SPATA33: variants seen among roughly 807,000 people sequenced by gnomAD.
SPATA33 encodes spermatogenesis associated 33, also known as spermatogenesis-associated protein 33.
A neutral mutation model predicts 8.9 loss-of-function variants in SPATA33; 10 were observed. The ratio of observed to expected loss-of-function variants is 1.12; its 90% CI spans 0.69 to 1.90. The LOEUF (loss-of-function observed/expected upper bound fraction) is 1.90, where lower values mean the gene tolerates loss of function less well. SPATA33 is among the 40% of genes most tolerant of loss of function. SPATA33 has a pLI of 0.00. For synonymous variants in SPATA33, 96 were observed against 72.8 expected (o/e 1.32, Z -1.63); for missense variants, 241 against 178.3 (o/e 1.35, Z -2.00).
chr16:89,660,630 C>A, intron 2 of SPATA33: 1 of 1,083,906 alleles, frequency 9.2e-7, no homozygotes, highest in Non-Finnish European at 1.2e-6. Flanking sequence ...GTGAGACAAG[C>A]CAGAGGAAAG....
At chr16:89,669,100 G>A (rs1326007520) in intron 2 of SPATA33, among the ~76,000 whole-genome samples, 186 bp from the exon 3 acceptor site, 1 of 152,128 alleles carries the variant, frequency 6.6e-6, no homozygotes, top group Non-Finnish European at 1.5e-5. Flanking sequence ...CAACCTTCAT[G>A]GCTGAGTTGC....
chr16:89,658,503 C>T, intron 2 of SPATA33, 82 bp downstream of exon 2: 2 of 1,497,274 alleles, frequency 1.3e-6, no homozygotes, highest in Non-Finnish European at 8.9e-7. Flanking sequence ...CTGTAAGACC[C>T]TACCGGATGG....
intron 2 of SPATA33, chr16:89,661,235 A>C (rs922344953): frequency 1.3e-5 from 13 of 984,172 alleles, no homozygotes; most frequent in African/African-American, 7.0e-5. Flanking sequence ...GTCCTCACCC[A>C]AATCTCATTT....
At chr16:89,658,608 T>A (rs1468617698) in intron 2 of SPATA33, 187 bp downstream of exon 2, 1 of 792,532 alleles carries the variant, frequency 1.3e-6, no homozygotes, top group Admixed American at 2.9e-5. Flanking sequence ...GTTGAAAACA[T>A]AAGTTTAATG....
At chr16:89,665,348 C>G (rs2151531840) in intron 2 of SPATA33, among the ~76,000 whole-genome samples, 1 of 150,632 alleles carries the variant, frequency 6.6e-6, no homozygotes, top group Admixed American at 6.7e-5. Context: ...TGTCGCCACC[C>G]AGGCTGGACT....
chr16:89,666,667 A>G (rs953723137), intron 2 of SPATA33, among the ~76,000 whole-genome samples: 13 of 152,080 alleles, frequency 8.5e-5, no homozygotes, highest in Non-Finnish European at 5.9e-5. Flanking sequence ...AGCCGTGGAG[A>G]CCGGTAGTGG....
chr16:89,658,159 C>T (rs1054894733), intron 1 of SPATA33, 89 bp from the exon 2 acceptor site: 3 of 1,578,680 alleles, frequency 1.9e-6, no homozygotes, highest in Middle Eastern at 1.9e-4. Flanking sequence ...CCAGCTTATT[C>T]TGGACCCACG....
chr16:89,663,567 C>T (rs2059989756), intron 2 of SPATA33, among the ~76,000 whole-genome samples: 4 of 152,014 alleles, frequency 2.6e-5, no homozygotes. Flanking sequence ...CTGTAACATT[C>T]TCTGAATGAC....
At chr16:89,661,968 TGG>T (rs1263064337) in intron 2 of SPATA33, among the ~76,000 whole-genome samples, 1 of 152,142 alleles carries the variant, frequency 6.6e-6, no homozygotes, top group African/African-American at 2.4e-5. Context: ...GCAACATTTA[TGG>T]GTAAAATCAT....
chr16:89,662,505 C>A (rs1391136697), intron 2 of SPATA33, among the ~76,000 whole-genome samples: 1 of 151,464 alleles, frequency 6.6e-6, no homozygotes, highest in Non-Finnish European at 1.5e-5. Context: ...CTCACTGTAG[C>A]CTCCGCCTCC....
intron 2 of SPATA33, among the ~76,000 whole-genome samples, chr16:89,663,481 G>T (rs925763882): frequency 1.6e-4 from 24 of 152,060 alleles, no homozygotes; most frequent in African/African-American, 5.8e-4. Context: ...CCGATCTCAG[G>T]TGATCCGCTT....
intron 2 of SPATA33, among the ~76,000 whole-genome samples, chr16:89,668,769 G>A (rs1462928965): frequency 2.0e-5 from 3 of 152,234 alleles, no homozygotes; most frequent in South Asian, 2.1e-4. Context: ...TGCTTTGTAC[G>A]TGGCAACGCT....
chr16:89,668,165 C>T (rs891684393), intron 2 of SPATA33: 1 of 152,126 alleles, frequency 6.6e-6, no homozygotes, highest in African/African-American at 2.4e-5. Context: ...TACAAAAATT[C>T]CCCAGGTGTG....
At chr16:89,667,754 C>A (rs1258805674) in intron 2 of SPATA33, among the ~76,000 whole-genome samples, 3 of 152,252 alleles carry the variant, frequency 2.0e-5, no homozygotes, top group Non-Finnish European at 4.4e-5. Flanking sequence ...CGCAGCACTG[C>A]AGGCAGAGGG....
At chr16:89,662,417 C>T (rs570143856) in intron 2 of SPATA33, among the ~76,000 whole-genome samples, 1 of 151,310 alleles carries the variant, frequency 6.6e-6, no homozygotes, top group Non-Finnish European at 1.5e-5. Flanking sequence ...TGTGTTTGAA[C>T]ACTTTTTTTT....
At chr16:89,665,079 T>C (rs919210958) in intron 2 of SPATA33, among the ~76,000 whole-genome samples, 1 of 151,426 alleles carries the variant, frequency 6.6e-6, no homozygotes, top group Non-Finnish European at 1.5e-5. Context: ...CATTGCACTC[T>C]TGACGTTCTG....
intron 2 of SPATA33, among the ~76,000 whole-genome samples, chr16:89,666,855 C>T (rs967629421): frequency 2.6e-5 from 4 of 152,180 alleles, no homozygotes; most frequent in Non-Finnish European, 4.4e-5. Context: ...ACAGCTTACG[C>T]CGTTATTTCA....
At position 89,662,293 on chromosome 16, in the gene SPATA33, C is replaced by CAAA. The variant is rs34420644; in HGVS notation, c.211+3882_211+3884dup. Among the ~76,000 whole-genome samples the CAAA allele has an allele frequency of 1.2e-4, 17 of 141,858 alleles. No homozygotes were observed. In the South Asian group the frequency reaches 3.1e-3, roughly 26 times the overall value. The allele number at this position is 141,858 out of a possible 152,430, so 93.1% of individuals were successfully genotyped here. On this transcript the variant is annotated intron_variant, in intron 2 of 2. Coordinates refer to ENST00000579310, the MANE Select transcript of SPATA33 (RefSeq NM_001271907.2). ...TGGGCAATGGAGTGAGACTCCATCT[C>CAAA]AAAAAAAAAAAAGATACTCAGGAAA...
chr16:89,669,791 G>T lies in SPATA33; in HGVS notation c.*294G>T. 1 of 452,586 alleles carries T rather than the reference G, an allele frequency of 2.2e-6. No homozygotes were observed. The highest frequency in any genetic ancestry group is 4.0e-6 in the Non-Finnish European group (1 of 247,654). The allele number at this position is 452,586 out of a possible 1,614,324, so 28.0% of individuals were successfully genotyped here. A position where few individuals can be genotyped will look rare whatever the true frequency, so the allele number is the denominator to read the frequency against. On this transcript the variant is annotated 3_prime_UTR_variant, in exon 3 of 3. Transcript: ENST00000579310. ...CAGTCCCCTTCTCCAGTGCTCTCGGGGAGGGTGCACCAGGCCCACCCCACC... is the reference window on the plus strand; with the variant it reads ...CAGTCCCCTTCTCCAGTGCTCTCGGTGAGGGTGCACCAGGCCCACCCCACC...
Sources: allele counts gnomAD v4.1 joint callset (sites outside exome capture counted in the v4.1 genomes callset), GRCh38; gene constraint gnomAD v4.1.1; transcripts MANE v1.5; gene names NCBI Gene and HGNC (gene_info 2026-07-23, HGNC 2026-07-21).